The following PDE11A variants were observed in gnomAD, a reference collection of about 807,000 sequenced individuals.
PDE11A encodes dual 3',5'-cyclic-AMP and -GMP phosphodiesterase 11A.
Under a neutral mutation model 100.5 loss-of-function variants are expected in PDE11A, and 100 were observed. The observed-to-expected ratio is 1.00, with a 90% CI of 0.85 to 1.18. The LOEUF (loss-of-function observed/expected upper bound fraction) is 1.18. PDE11A is among the 50% of genes most tolerant of loss of function. The pLI is 0.00. For synonymous variants in PDE11A, 381 were observed against 420.8 expected (o/e 0.91, Z 1.16); for missense variants, 1,141 against 1,152.6 (o/e 0.99, Z 0.15).
At chr2:178,050,705 C>G (rs1199191451) in intron 1 of PDE11A, among the ~76,000 whole-genome samples, 1 of 152,024 alleles carries the variant, frequency 6.6e-6, no homozygotes, top group Non-Finnish European at 1.5e-5. Flanking sequence ...AACTACGTGA[C>G]GCATGCACAA....
intron 2 of PDE11A, chr2:177,997,153 T>C: frequency 9.6e-7 from 1 of 1,040,988 alleles, no homozygotes; most frequent in Non-Finnish European, 1.5e-6. Context: ...AATTTAAGTA[T>C]ATTAAGCTCA....
intron 5 of PDE11A, among the ~76,000 whole-genome samples, chr2:177,852,429 C>A (rs2083729969): frequency 6.6e-6 from 1 of 152,082 alleles, no homozygotes; most frequent in African/African-American, 2.4e-5. Flanking sequence ...CATTTTGTTT[C>A]ATTGACTAGA....
At chr2:178,022,069 A>G (rs543687944) in intron 1 of PDE11A, among the ~76,000 whole-genome samples, 1 of 152,258 alleles carries the variant, frequency 6.6e-6, no homozygotes, top group African/African-American at 2.4e-5. Context: ...CTGAGTCTTC[A>G]TTTTAGAAAG....
intron 6 of PDE11A, among the ~76,000 whole-genome samples, chr2:177,826,458 C>T (rs1168192314): frequency 6.6e-6 from 1 of 152,218 alleles, no homozygotes; most frequent in Non-Finnish European, 1.5e-5. Flanking sequence ...ATTCTAGTAA[C>T]CAGACAAGCT....
chr2:177,756,736 A>G (rs1194520771), intron 10 of PDE11A, among the ~76,000 whole-genome samples: 1 of 152,252 alleles, frequency 6.6e-6, no homozygotes, highest in East Asian at 1.9e-4. Context: ...AAGTGCTGTT[A>G]GCGCCCACAA....
chr2:178,090,777 C>A (rs2087413025), intron 2 of PDE11A, among the ~76,000 whole-genome samples: 1 of 152,226 alleles, frequency 6.6e-6, no homozygotes, highest in Non-Finnish European at 1.5e-5. Context: ...GACACTCTTA[C>A]AGTCCCTACA....
chr2:177,724,291 T>C (rs2081569180), intron 12 of PDE11A, among the ~76,000 whole-genome samples: 1 of 152,138 alleles, frequency 6.6e-6, no homozygotes. Context: ...TTCATCATTT[T>C]ATATCAATTT....
intron 10 of PDE11A, among the ~76,000 whole-genome samples, chr2:177,766,888 T>C (rs1490438829): frequency 6.6e-6 from 1 of 152,232 alleles, no homozygotes; most frequent in African/African-American, 2.4e-5. Context: ...TTAATCTTGA[T>C]AATTTTAAGA....
intron 2 of PDE11A, among the ~76,000 whole-genome samples, chr2:177,928,878 C>G (rs1172747646): frequency 6.6e-6 from 1 of 151,782 alleles, no homozygotes; most frequent in African/African-American, 2.4e-5. Flanking sequence ...AAAATAAATA[C>G]ATAAAAATAA....
At chr2:177,939,409 A>G (rs2085317117) in intron 2 of PDE11A, among the ~76,000 whole-genome samples, 1 of 139,718 alleles carries the variant, frequency 7.2e-6, no homozygotes. Context: ...GGAGGGAAGG[A>G]GGGAAGGAAG....
rs140152143 is a variant in PDE11A at position 177,769,368 on chromosome 2, T to C, written c.1743A>G (p.Leu581=). 403 of 1,575,448 alleles carry C rather than the reference T, an allele frequency of 2.6e-4. No individual in the cohort carries two copies. In the African/African-American group the frequency reaches 4.2e-3, roughly 17 times the overall value. ...CTTTTGAACATGTTGCATGGTATGA[T>C]AGCACCTGATTCAGAAGAAAAAAAA... is the stretch of plus-strand genomic sequence containing the variant. ...WAKQSVALDV[L]SYHATCSKAE... is the part of the protein sequence containing the mutation. The change falls in exon 10 of 20, where the codon CTA becomes CTG. Residue 581 remains leucine (L), a synonymous_variant. Coordinates refer to ENST00000286063, the MANE Select transcript of PDE11A (RefSeq NM_016953.4).
chr2:177,998,280 T>A, intron 2 of PDE11A: 1 of 824,866 alleles, frequency 1.2e-6, no homozygotes, highest in Non-Finnish European at 2.2e-6. Flanking sequence ...TAATACTTCA[T>A]CTGGTAAAGT....
At chr2:177,666,005 C>T (rs2080572895) in intron 18 of PDE11A, among the ~76,000 whole-genome samples, 1 of 151,960 alleles carries the variant, frequency 6.6e-6, no homozygotes, top group South Asian at 2.1e-4. Flanking sequence ...CAAAGTTGAG[C>T]AACTATCACT....
In PDE11A at chr2:178,021,653, T is replaced by C. The variant is rs2086413699; in HGVS notation, c.913-7193A>G. ...AAGTAATCACCACAAATGAGTATAA[T>C]AGTAGAGGAAACACATAGCATTACG... is the stretch of plus-strand genomic sequence containing the variant. On this transcript the variant is annotated intron_variant, in intron 1 of 19. Transcript: ENST00000286063. Among the ~76,000 whole-genome samples the C allele has an allele frequency of 2.0e-5, 3 of 152,064 alleles. No homozygotes were observed. The South Asian group carries it at 6.2e-4, about 32-fold the overall frequency.
chr2:177,915,044 T>G (rs142380144), intron 2 of PDE11A, among the ~76,000 whole-genome samples: 1 of 152,124 alleles, frequency 6.6e-6, no homozygotes, highest in Admixed American at 6.5e-5. Context: ...AGAAGTAGAT[T>G]TTTTTTAGGG....
rs780431964 is a variant in PDE11A, at chr2:177,875,848, A to G, written c.1367+11T>C. 2 of 1,596,746 alleles carry G rather than the reference A, an allele frequency of 1.3e-6. No individual in the cohort carries two copies. ...GAACATCAAAAGACCCATGAACCCC[A>G]CAAGCCCTACCTGTTCTCAGCATCA... On this transcript the variant is annotated intron_variant, in intron 5 of 19. Coordinates refer to ENST00000286063, the MANE Select transcript of PDE11A (RefSeq NM_016953.4).
intron 1 of PDE11A, among the ~76,000 whole-genome samples, chr2:178,051,927 C>A (rs1033027816): frequency 1.3e-5 from 2 of 152,110 alleles, no homozygotes; most frequent in African/African-American, 2.4e-5. Context: ...GACTTTAACA[C>A]CCCACTGTCA....
intron 10 of PDE11A, among the ~76,000 whole-genome samples, chr2:177,758,905 G>A (rs977063199): frequency 6.6e-6 from 1 of 152,134 alleles, no homozygotes; most frequent in Non-Finnish European, 1.5e-5. Flanking sequence ...CAGGTCATGC[G>A]TACACACAAA....
intron 10 of PDE11A, among the ~76,000 whole-genome samples, chr2:177,754,620 A>T (rs1229392668): frequency 5.3e-5 from 8 of 152,208 alleles, no homozygotes; most frequent in African/African-American, 1.9e-4. Context: ...CCAAAAATCC[A>T]GCAGGCACAG....
Sources: gnomAD v4.1 joint callset for allele counts (sites outside exome capture counted in the v4.1 genomes callset) on GRCh38, gnomAD v4.1.1 for gene constraint, MANE v1.5 for transcripts, NCBI Gene and HGNC (gene_info 2026-07-23, HGNC 2026-07-21) for gene names.